Variants in RNGTT observed in about 807,000 individuals in gnomAD.
RNGTT encodes the protein mRNA-capping enzyme.
Under a neutral mutation model 79.3 loss-of-function variants are expected in RNGTT, and 33 were observed. The ratio of observed to expected loss-of-function variants is 0.42; its 90% confidence interval spans 0.32 to 0.56. The LOEUF is 0.56. RNGTT is among the 20% of genes least tolerant of loss of function. RNGTT has a pLI of 0.17. For synonymous variants in RNGTT, 222 were observed against 235.9 expected (o/e 0.94, Z 0.54); for missense variants, 497 against 739.1 (o/e 0.67, Z 3.80).
At chr6:88,738,670 C>A (rs1279295983) in intron 13 of RNGTT, among the ~76,000 whole-genome samples, 1 of 151,998 alleles carries the variant, frequency 6.6e-6, no homozygotes, top group African/African-American at 2.4e-5. Flanking sequence ...TAAATAATAA[C>A]ATACCAATAT....
At chr6:88,672,963 T>C (rs1425805110) in intron 14 of RNGTT, among the ~76,000 whole-genome samples, 1 of 152,278 alleles carries the variant, frequency 6.6e-6, no homozygotes, top group East Asian at 1.9e-4. Flanking sequence ...GTACAGATAC[T>C]TATTGGCATG....
Position 88,839,422 on chromosome 6 carries a change from T to A in RNGTT, c.1269+4935A>T, listed in dbSNP as rs1000910416. Among the ~76,000 whole-genome samples the A allele has an allele frequency of 1.1e-4, 16 of 152,128 alleles. 1 individual carries two copies. Among genetic ancestry groups the A allele is most frequent in the Admixed American group, 1.0e-3 (16 of 15,278 alleles). ...CCCATCACTCAAAAAATTAAAAAAT[T>A]AGCTAGGAATGGTGGTTCCGGTCTA... On this transcript the variant is annotated intron_variant, in intron 11 of 15. Coordinates refer to ENST00000369485, the MANE Select transcript of RNGTT (RefSeq NM_003800.5).
At chr6:88,880,199 AAT>A (rs1782652222) in intron 8 of RNGTT, among the ~76,000 whole-genome samples, 2 of 151,798 alleles carry the variant, frequency 1.3e-5, no homozygotes, top group Non-Finnish European at 2.9e-5. Flanking sequence ...TGAATGAATG[AAT>A]GAATGAATGA....
At chr6:88,829,401 G>A (rs930443415) in intron 11 of RNGTT, among the ~76,000 whole-genome samples, 4 of 152,126 alleles carry the variant, frequency 2.6e-5, no homozygotes, top group African/African-American at 9.7e-5. Context: ...GAAAAAACCA[G>A]TATCAACCAC....
In RNGTT at chr6:88,656,193, C is replaced by T. The variant is rs151258844; in HGVS notation, c.1506+22160G>A. 1.7e-3 allele frequency among the ~76,000 whole-genome samples: 258 copies of T among 152,226 alleles called. 1 individual carries two copies. The highest frequency in any genetic ancestry group is 5.7e-3 in the African/African-American group (238 of 41,544). On this transcript the variant is annotated intron_variant, in intron 14 of 15. Transcript: ENST00000369485. The stretch of plus-strand genomic sequence containing the variant: ...CATATAAAGGTATAATGAACTATAT[C>T]GCTTACTTAATAAAATCCTAAGTGG...
At chr6:88,826,156 A>C (rs1582507844) in intron 11 of RNGTT, among the ~76,000 whole-genome samples, 1 of 152,358 alleles carries the variant, frequency 6.6e-6, no homozygotes, top group South Asian at 2.1e-4. Flanking sequence ...TATGAAAAGA[A>C]AAAGGTGGGC....
At chr6:88,942,622 C>T (rs1784887818) in intron 1 of RNGTT, among the ~76,000 whole-genome samples, 1 of 152,148 alleles carries the variant, frequency 6.6e-6, no homozygotes. Flanking sequence ...TCGCCTACCT[C>T]GGCCTCCCAA....
At chr6:88,693,165 G>C (rs1163588257) in intron 13 of RNGTT, among the ~76,000 whole-genome samples, 1 of 151,824 alleles carries the variant, frequency 6.6e-6, no homozygotes, top group Non-Finnish European at 1.5e-5. Context: ...CTAGAAAATA[G>C]AAGAATAAAT....
chr6:88,829,129 G>C lies in RNGTT; in HGVS notation c.1269+15228C>G, dbSNP rs150749058. 1.0e-3 allele frequency among the ~76,000 whole-genome samples: 153 copies of C among 152,280 alleles called. 1 individual carries two copies. In the East Asian group the frequency reaches 0.015, roughly 15 times the overall value. ...AATGAAGGAAAAAATGTTAAGGGCA[G>C]CCAGAGAGAAAGGTCGGGTTACCCA... On this transcript the variant is annotated intron_variant, in intron 11 of 15. Coordinates refer to ENST00000369485, the MANE Select transcript of RNGTT (RefSeq NM_003800.5).
At chr6:88,641,381 A>G (rs987663078) in intron 14 of RNGTT, among the ~76,000 whole-genome samples, 5 of 151,980 alleles carry the variant, frequency 3.3e-5, no homozygotes, top group African/African-American at 1.2e-4. Flanking sequence ...AAGCTGAAAT[A>G]TACTGTAAGC....
chr6:88,930,020 A>G (rs180684156), intron 2 of RNGTT, among the ~76,000 whole-genome samples: 5 of 149,456 alleles, frequency 3.3e-5, no homozygotes, highest in Admixed American at 6.7e-5. Context: ...GCATATGTAT[A>G]CACATATATG....
chr6:88,833,067 A>C (rs747486248), intron 11 of RNGTT, among the ~76,000 whole-genome samples: 22 of 152,212 alleles, frequency 1.4e-4, no homozygotes, highest in Non-Finnish European at 5.9e-5. Flanking sequence ...CAGCCATCCC[A>C]TTACTGGGTA....
At chr6:88,810,943 G>T (rs1418514528) in intron 11 of RNGTT, among the ~76,000 whole-genome samples, 2 of 152,164 alleles carry the variant, frequency 1.3e-5, no homozygotes, top group Non-Finnish European at 2.9e-5. Context: ...AACAACATAA[G>T]CCTTGGCCAA....
At position 88,951,047 on chromosome 6, in the gene RNGTT, T is replaced by C. The variant is rs1209200824; in HGVS notation, c.65-9867A>G. On this transcript the variant is annotated intron_variant, in intron 1 of 15. Coordinates refer to ENST00000369485, the MANE Select transcript of RNGTT (RefSeq NM_003800.5). ...CTAATTTTTATACTTTTAGTAGAGA[T>C]GCAGTTTCACCATGTTGGCTAGGCT... 5.3e-5 allele frequency among the ~76,000 whole-genome samples: 8 copies of C among 152,180 alleles called. No homozygotes were observed. In the South Asian group the frequency reaches 1.5e-3, roughly 28 times the overall value.
chr6:88,811,295 TA>T (rs1780128896), intron 11 of RNGTT, among the ~76,000 whole-genome samples: 1 of 152,224 alleles, frequency 6.6e-6, no homozygotes, highest in Non-Finnish European at 1.5e-5. Flanking sequence ...CAATTTTTAA[TA>T]AAGCATGATA....
intron 1 of RNGTT, among the ~76,000 whole-genome samples, chr6:88,950,422 G>A (rs1205141090): frequency 6.6e-6 from 1 of 152,020 alleles, no homozygotes; most frequent in Non-Finnish European, 1.5e-5. Flanking sequence ...CATTTCATAA[G>A]GTTATAACTG....
intron 13 of RNGTT, among the ~76,000 whole-genome samples, chr6:88,689,185 T>C (rs1026521755): frequency 6.6e-6 from 1 of 152,182 alleles, no homozygotes; most frequent in African/African-American, 2.4e-5. Context: ...CTCACATCTA[T>C]AATCCCAGCA....
intron 6 of RNGTT, among the ~76,000 whole-genome samples, chr6:88,893,064 T>C (rs933686929): frequency 5.9e-5 from 9 of 152,068 alleles, no homozygotes; most frequent in Non-Finnish European, 1.3e-4. Flanking sequence ...TATTTCTCTG[T>C]ACTAGCCAAT....
At chr6:88,761,961 T>C (rs978768470) in intron 13 of RNGTT, among the ~76,000 whole-genome samples, 31 of 151,770 alleles carry the variant, frequency 2.0e-4, no homozygotes, top group African/African-American at 7.2e-4. Flanking sequence ...ACGGATGTTC[T>C]TTCTTTCAAA....
Sources: allele counts gnomAD v4.1 joint callset (sites outside exome capture counted in the v4.1 genomes callset), GRCh38; gene constraint gnomAD v4.1.1; transcripts MANE v1.5; gene names NCBI Gene and HGNC (gene_info 2026-07-23, HGNC 2026-07-21).